DEPDC5: variants seen among roughly 807,000 people sequenced by gnomAD.
DEPDC5 encodes the protein DEP domain containing 5, GATOR1 subcomplex subunit.
DEPDC5 carries 73 observed loss-of-function variants against 217.3 expected under a neutral mutation model. The ratio of observed to expected loss-of-function variants is 0.34; its 90% CI spans 0.28 to 0.41. DEPDC5 has a LOEUF of 0.41. DEPDC5 is among the 10% of genes least tolerant of loss of function. DEPDC5 has a pLI of 1.00. For synonymous variants in DEPDC5, 733 were observed against 756.7 expected (o/e 0.97, Z 0.51); for missense variants, 1,675 against 2,070.1 (o/e 0.81, Z 3.70).
At chr22:31,865,000 AG>A (rs1180565948) in intron 33 of DEPDC5, among the ~76,000 whole-genome samples, 1 of 138,418 alleles carries the variant, frequency 7.2e-6, no homozygotes, top group Non-Finnish European at 1.5e-5. Flanking sequence ...CTAATTTTGT[AG>A]TTTTAGTAGA....
chr22:31,854,023 C>G (rs929240153), intron 31 of DEPDC5, among the ~76,000 whole-genome samples: 2 of 152,224 alleles, frequency 1.3e-5, no homozygotes, highest in African/African-American at 2.4e-5. Flanking sequence ...CCTGCCCACC[C>G]TTTAAGGCCC....
rs28785000 is a variant in DEPDC5 at position 31,759,384 on chromosome 22, T to G, written c.146+751T>G. ...TTTTTGTTTTTTTTGTTTTTTTTTGTTTTTTTTGAGATGAAATCTCACTCT... is the reference window on the plus strand; with the variant it reads ...TTTTTGTTTTTTTTGTTTTTTTTTGGTTTTTTTGAGATGAAATCTCACTCT... On this transcript the variant is annotated intron_variant, in intron 3 of 42. Transcript: ENST00000651528. Among the ~76,000 whole-genome samples, 74 of 49,080 alleles carry G rather than the reference T, an allele frequency of 1.5e-3. 1 individual carries two copies. Among genetic ancestry groups the G allele is most frequent in the South Asian group, 8.7e-3 (14 of 1,602 alleles). The allele number at this position is 49,080 out of a possible 152,430, so 32.2% of individuals were successfully genotyped here.
intron 7 of DEPDC5, among the ~76,000 whole-genome samples, chr22:31,771,715 T>TCACACA (rs55851105): frequency 0.025 from 1,924 of 77,988 alleles, 105 homozygotes; most frequent in East Asian, 0.03. Flanking sequence ...CAAGACTCCG[T>TCACACA]CACACACACA....
chr22:31,761,694 A>G (rs953496851), intron 4 of DEPDC5, among the ~76,000 whole-genome samples: 3 of 149,228 alleles, frequency 2.0e-5, no homozygotes, highest in African/African-American at 7.4e-5. Flanking sequence ...TAGGCCAGGC[A>G]CGGTGGCTTA....
chr22:31,802,796 C>G lies in DEPDC5; in HGVS notation c.1039C>G (p.Arg347Gly). The change falls in exon 15 of 43, where the codon CGC becomes GGC. Residue 347 changes from arginine to glycine, a missense_variant. Transcript: ENST00000651528. ...CGGGGTGGGTGTCTTTGAAGTGGAC[C>G]GCCTACTCATGATCCTGACCAAGCA... ...TPGVGVFEVDRLLMILTKQRM... is the reference protein window; with the variant it reads ...TPGVGVFEVDGLLMILTKQRM... 6.2e-7 allele frequency: 1 copy of G among 1,607,286 alleles called. No homozygotes were observed. The highest frequency in any genetic ancestry group is 8.5e-7 in the Non-Finnish European group (1 of 1,177,222).
In DEPDC5 at chr22:31,803,942, G is replaced by T. The variant is rs141415379; in HGVS notation, c.1082-220G>T. ...AGGACAGTCAAAGGCTAATTGTCAAGCACCGAATAATGATACGTTAGTAGG... is the reference window on the plus strand; with the variant it reads ...AGGACAGTCAAAGGCTAATTGTCAATCACCGAATAATGATACGTTAGTAGG... On this transcript the variant is annotated intron_variant, in intron 15 of 42. Transcript: ENST00000651528. Among the ~76,000 whole-genome samples the T allele has an allele frequency of 2.9e-3, 448 of 152,216 alleles. No homozygotes were observed. Among genetic ancestry groups the T allele is most frequent in the Non-Finnish European group, 4.4e-3 (301 of 68,004 alleles).
intron 10 of DEPDC5, among the ~76,000 whole-genome samples, chr22:31,790,466 G>C (rs2085486037): frequency 6.6e-6 from 1 of 152,186 alleles, no homozygotes; most frequent in East Asian, 1.9e-4. Flanking sequence ...CCCTGTCCCT[G>C]TCCAAAGGTA....
chr22:31,858,425 G>C (rs1006505430), intron 32 of DEPDC5: 5 of 152,170 alleles, frequency 3.3e-5, no homozygotes, highest in African/African-American at 7.2e-5. Flanking sequence ...TTCAGATTCA[G>C]ATCATTCTGT....
chr22:31,838,854 T>C lies in DEPDC5; in HGVS notation c.2515+9T>C, dbSNP rs1185276034. 1.2e-6 allele frequency: 2 copies of C among 1,607,960 alleles called. No individual in the cohort carries two copies. Among genetic ancestry groups the C allele is most frequent in the Non-Finnish European group, 1.7e-6 (2 of 1,175,686 alleles). On this transcript the variant is annotated intron_variant, in intron 27 of 42. Coordinates refer to ENST00000651528, the MANE Select transcript of DEPDC5 (RefSeq NM_001242896.3). Reference sequence around the variant, plus strand: ...CCCACTCTATAGCCGAGGTGAGTTTTTCTCCTTGGATTTCTATTTTTTTCT... The same window carrying C: ...CCCACTCTATAGCCGAGGTGAGTTTCTCTCCTTGGATTTCTATTTTTTTCT...
chr22:31,896,828 T>C (rs946526119), intron 39 of DEPDC5, among the ~76,000 whole-genome samples: 3 of 152,202 alleles, frequency 2.0e-5, no homozygotes, highest in Non-Finnish European at 4.4e-5. Flanking sequence ...ATTAAATTCC[T>C]GGTAAAGTAC....
In DEPDC5 at chr22:31,819,028, T is replaced by A; in HGVS notation, c.1673T>A (p.Leu558Gln). Residue 558 changes from leucine (L) to glutamine (Q), a missense_variant, in exon 22 of 43, where the codon CTG (leucine) becomes CAG (glutamine). By Grantham distance (113) the Leu-to-Gln change is moderately radical. Around this residue, in one of 11 missense-constraint regions of DEPDC5, gnomAD observed 628 missense variants for 762.1 expected, o/e 0.82. Transcript: ENST00000651528. ...ACTCCATGATAACTGGCAGATGTCCTGGAGAACATGATGGAGCCACCACAG... is the reference window on the plus strand; with the variant it reads ...ACTCCATGATAACTGGCAGATGTCCAGGAGAACATGATGGAGCCACCACAG... ...SLGYTSTRDV[L>Q]ENMMEPPQRD... The A allele has an allele frequency of 6.2e-7, 1 of 1,614,188 alleles. No individual in the cohort carries two copies. Among genetic ancestry groups the A allele is most frequent in the Non-Finnish European group, 8.5e-7 (1 of 1,180,024 alleles).
chr22:31,870,060 A>G (rs2092799467), intron 33 of DEPDC5, among the ~76,000 whole-genome samples: 1 of 152,208 alleles, frequency 6.6e-6, no homozygotes, highest in African/African-American at 2.4e-5. Flanking sequence ...GATGGCTCTG[A>G]GAGTTGAACC....
chr22:31,812,725 AT>A (rs779543815), intron 20 of DEPDC5, among the ~76,000 whole-genome samples: 1 of 136,126 alleles, frequency 7.3e-6, no homozygotes, highest in Non-Finnish European at 1.6e-5. Context: ...CGCCCGGCCA[AT>A]TTTCCAGATT....
rs1028446897 is a variant in DEPDC5 at position 31,760,755 on chromosome 22, G to A, written c.193+53G>A. 8.5e-6 allele frequency: 12 copies of A among 1,411,844 alleles called. No individual in the cohort carries two copies. The African/African-American group carries it at 1.7e-4, about 20-fold the overall frequency. 87.5% of individuals were successfully genotyped at this position (1,411,844 alleles called of 1,614,324 possible). On this transcript the variant is annotated intron_variant, in intron 4 of 42. Coordinates refer to ENST00000651528, the MANE Select transcript of DEPDC5 (RefSeq NM_001242896.3). ...TTTTTTATTTACTGCCTCAGAAACT[G>A]TAAGAAATCTCTCTTCATAATTTCA...
intron 10 of DEPDC5, among the ~76,000 whole-genome samples, chr22:31,790,332 C>T (rs540084207): frequency 6.6e-6 from 1 of 152,260 alleles, no homozygotes; most frequent in East Asian, 1.9e-4. Flanking sequence ...TTCAGAGACC[C>T]AGGAGGAACT....
chr22:31,847,824 C>T (rs1413682633), intron 31 of DEPDC5, among the ~76,000 whole-genome samples: 1 of 152,220 alleles, frequency 6.6e-6, no homozygotes, highest in Non-Finnish European at 1.5e-5. Context: ...AACAGTCCCC[C>T]AAAGTCTTAA....
chr22:31,838,645 G>A (rs768299389), intron 26 of DEPDC5, 40 bp from the exon 27 acceptor site: 17 of 1,606,244 alleles, frequency 1.1e-5, no homozygotes, highest in East Asian at 2.2e-5. Flanking sequence ...TCACTGTCTC[G>A]GGCCAAGCAT....
intron 23 of DEPDC5, among the ~76,000 whole-genome samples, chr22:31,822,146 A>G (rs76441499): frequency 0.034 from 5,236 of 152,328 alleles, 145 homozygotes; most frequent in African/African-American, 0.072. Flanking sequence ...TGTGTTACGA[A>G]CATCCAGTGA....
chr22:31,869,635 G>A (rs539522099), intron 33 of DEPDC5, among the ~76,000 whole-genome samples: 1 of 151,312 alleles, frequency 6.6e-6, no homozygotes, highest in Admixed American at 6.6e-5. Flanking sequence ...ACCCCAGGGC[G>A]ATATGGGGCA....
Sources: gnomAD v4.1 joint callset for allele counts (sites outside exome capture counted in the v4.1 genomes callset) on GRCh38, gnomAD v4.1.1 for gene constraint, gnomAD v4.1.1 regional missense constraint, MANE v1.5 for transcripts, NCBI Gene and HGNC (gene_info 2026-07-23, HGNC 2026-07-21) for gene names.